The following HYCC1 variants were observed in gnomAD, a reference collection of about 807,000 sequenced individuals.
The protein encoded by HYCC1 is hyccin PI4KA lipid kinase complex subunit 1, also known as hyccin.
the HYCC1 span, among the ~76,000 whole-genome samples, chr7:22,959,255 A>G: frequency 6.6e-6 from 1 of 152,148 alleles, no homozygotes; most frequent in Non-Finnish European, 1.5e-5. Flanking sequence ...CTGACATACA[A>G]TCACCTAGAT....
the HYCC1 span, chr7:22,960,558 C>A: frequency 2.9e-6 from 2 of 693,344 alleles, no homozygotes; most frequent in Non-Finnish European, 5.0e-6. Context: ...CAGAAATCCT[C>A]TAAGATAAGA....
chr7:22,999,778 T>C, the HYCC1 span, among the ~76,000 whole-genome samples: 6 of 152,164 alleles, frequency 3.9e-5, no homozygotes, highest in Non-Finnish European at 8.8e-5. Context: ...TTTGCACCAT[T>C]AGCAAAAGAA....
At chr7:22,906,074 A>G in the HYCC1 span, among the ~76,000 whole-genome samples, 3 of 152,286 alleles carry the variant, frequency 2.0e-5, no homozygotes, top group Non-Finnish European at 4.4e-5. Context: ...TGATAATGAT[A>G]ATGATGATGA....
chr7:22,945,738 C>G, the HYCC1 span: 1 of 1,613,714 alleles, frequency 6.2e-7, no homozygotes, highest in Non-Finnish European at 8.5e-7. Flanking sequence ...GTCCCAGCCC[C>G]ACAACCAACA....
At chr7:22,963,665 A>T in the HYCC1 span, among the ~76,000 whole-genome samples, 1 of 152,214 alleles carries the variant, frequency 6.6e-6, no homozygotes, top group Non-Finnish European at 1.5e-5. Flanking sequence ...TCACCTATTC[A>T]ACTCTGCCAT....
the HYCC1 span, among the ~76,000 whole-genome samples, chr7:22,899,010 G>C: frequency 6.6e-6 from 1 of 152,188 alleles, no homozygotes; most frequent in Admixed American, 6.5e-5. Context: ...TCTTTGTCAA[G>C]GCCATTTTTA....
chr7:22,925,865 C>T, the HYCC1 span, among the ~76,000 whole-genome samples: 7 of 152,048 alleles, frequency 4.6e-5, no homozygotes, highest in Admixed American at 3.3e-4. Flanking sequence ...AGAACAACTC[C>T]AAGACACATA....
chr7:22,946,410 A>G, the HYCC1 span, among the ~76,000 whole-genome samples: 1 of 152,072 alleles, frequency 6.6e-6, no homozygotes, highest in African/African-American at 2.4e-5. Flanking sequence ...ACCATACCCC[A>G]TTAAGTTTTT....
chr7:22,983,615 C>T, the HYCC1 span: 67 of 264,368 alleles, frequency 2.5e-4, no homozygotes, highest in East Asian at 5.3e-3. Flanking sequence ...CCATGTGTTA[C>T]TCAATTTGAT....
At chr7:23,012,623 T>C in the HYCC1 span, among the ~76,000 whole-genome samples, 1 of 152,198 alleles carries the variant, frequency 6.6e-6, no homozygotes, top group African/African-American at 2.4e-5. Flanking sequence ...TCCTTGTCTT[T>C]GCCTGCACTT....
At chr7:22,946,829 A>G in the HYCC1 span, 723,319 of 745,426 alleles carry the variant, frequency 0.97, 351,056 homozygotes, top group East Asian at 1. Context: ...ATTCCAAAGA[A>G]CATTAAGAGT....
At chr7:22,976,788 C>T in the HYCC1 span, 1 of 1,612,000 alleles carries the variant, frequency 6.2e-7, no homozygotes, top group Non-Finnish European at 8.5e-7. Context: ...CAGTCAGAGC[C>T]ATGGACCCAA....
At chr7:22,927,614 A>G in the HYCC1 span, among the ~76,000 whole-genome samples, 4 of 152,082 alleles carry the variant, frequency 2.6e-5, no homozygotes, top group Non-Finnish European at 4.4e-5. Context: ...CGACACATAC[A>G]CTCTCCCAAG....
At chr7:22,948,600 G>A in the HYCC1 span, among the ~76,000 whole-genome samples, 1 of 152,008 alleles carries the variant, frequency 6.6e-6, no homozygotes, top group African/African-American at 2.4e-5. Context: ...TAAGATAAAA[G>A]TTGTTACGGG....
chr7:22,906,688 T>C, the HYCC1 span, among the ~76,000 whole-genome samples: 4 of 151,992 alleles, frequency 2.6e-5, no homozygotes, highest in African/African-American at 9.7e-5. Flanking sequence ...ATATGTAATA[T>C]AGTACTAATA....
chr7:22,941,668 G>A, the HYCC1 span: 3 of 152,036 alleles, frequency 2.0e-5, no homozygotes, highest in African/African-American at 4.8e-5. Context: ...CAAAATGTTC[G>A]TTGTTAGTTT....
the HYCC1 span, among the ~76,000 whole-genome samples, chr7:22,956,477 T>C: frequency 6.6e-6 from 1 of 152,010 alleles, no homozygotes; most frequent in East Asian, 1.9e-4. Context: ...TACAATTGTT[T>C]AACTTAAACT....
the HYCC1 span, among the ~76,000 whole-genome samples, chr7:22,983,524 T>G: frequency 6.6e-6 from 1 of 152,190 alleles, no homozygotes; most frequent in East Asian, 1.9e-4. Context: ...AAACTTGTGC[T>G]TATCCGTAGA....
chr7:22,943,557 C>T, the HYCC1 span: 2 of 152,380 alleles, frequency 1.3e-5, no homozygotes. Context: ...AAAATCTGAT[C>T]TCTCAGCTCT....
Sources: gnomAD v4.1 joint callset for allele counts (sites outside exome capture counted in the v4.1 genomes callset) on GRCh38, gnomAD v4.1.1 for gene constraint, MANE v1.5 for transcripts, NCBI Gene and HGNC (gene_info 2026-07-23, HGNC 2026-07-21) for gene names.